SLC39A11: variants seen among roughly 807,000 people sequenced by gnomAD.
SLC39A11 encodes the protein zinc transporter ZIP11.
A neutral mutation model predicts 36.1 loss-of-function variants in SLC39A11; 33 were observed. That is an observed-to-expected ratio of 0.91 (90% CI 0.69 to 1.22). SLC39A11 has a LOEUF of 1.22. Among genes scored for constraint, SLC39A11 ranks in the 50% most tolerant of loss-of-function variants. SLC39A11 has a pLI of 0.00. For missense variants in SLC39A11, 432 were observed against 430.3 expected (o/e 1.00, Z -0.03); for synonymous variants, 166 against 170.3 (o/e 0.97, Z 0.20).
At chr17:73,081,245 G>C (rs1475092008) in intron 3 of SLC39A11, among the ~76,000 whole-genome samples, 1 of 152,098 alleles carries the variant, frequency 6.6e-6, no homozygotes, top group Non-Finnish European at 1.5e-5. Context: ...AATGATCAGG[G>C]AAATGCAAAT....
intron 6 of SLC39A11, among the ~76,000 whole-genome samples, chr17:72,817,213 G>A (rs1331290128): frequency 1.3e-5 from 2 of 151,930 alleles, no homozygotes; most frequent in Admixed American, 6.6e-5. Flanking sequence ...TGAGGGCCTC[G>A]GGAAGCTTCC....
chr17:72,810,747 A>C (rs2077409043), intron 6 of SLC39A11, among the ~76,000 whole-genome samples: 1 of 151,870 alleles, frequency 6.6e-6, no homozygotes, highest in African/African-American at 2.4e-5. Flanking sequence ...GTGCAGTGGC[A>C]TGATCTTGGC....
chr17:72,857,309 T>G (rs1319138089), intron 5 of SLC39A11, among the ~76,000 whole-genome samples: 3 of 152,204 alleles, frequency 2.0e-5, no homozygotes, highest in Non-Finnish European at 4.4e-5. Flanking sequence ...AAAAAAGACA[T>G]GATCTCATTT....
intron 6 of SLC39A11, among the ~76,000 whole-genome samples, chr17:72,810,144 C>T (rs569794402): frequency 6.6e-6 from 1 of 151,060 alleles, no homozygotes; most frequent in East Asian, 1.9e-4. Context: ...TACTTGAATA[C>T]TCTCTTAAGA....
At chr17:72,865,422 A>C (rs556756737) in intron 5 of SLC39A11, among the ~76,000 whole-genome samples, 1 of 151,852 alleles carries the variant, frequency 6.6e-6, no homozygotes, top group East Asian at 1.9e-4. Flanking sequence ...AAAAAAAAAA[A>C]AAAAACAACT....
intron 5 of SLC39A11, among the ~76,000 whole-genome samples, chr17:72,882,799 T>TTTTTTTTTTTTTTCTTTTTC: frequency 1.1e-5 from 1 of 87,448 alleles, no homozygotes; most frequent in African/African-American, 4.2e-5. Context: ...GAATGCTTCT[T>TTTTTTTTTTTTTTCTTTTTC]TTTTTTTTTT....
intron 5 of SLC39A11, among the ~76,000 whole-genome samples, chr17:72,925,625 T>C (rs1567965204): frequency 6.6e-6 from 1 of 152,224 alleles, no homozygotes; most frequent in Non-Finnish European, 1.5e-5. Flanking sequence ...CCACCTGGAA[T>C]TGCAGTACCT....
intron 4 of SLC39A11, among the ~76,000 whole-genome samples, chr17:72,957,566 C>G (rs1268650415): frequency 6.6e-6 from 1 of 152,234 alleles, no homozygotes; most frequent in Non-Finnish European, 1.5e-5. Flanking sequence ...TGCCTGTAAT[C>G]CCAGCACTTT....
intron 7 of SLC39A11, among the ~76,000 whole-genome samples, chr17:72,665,383 TGAGGTG>T: frequency 7.6e-6 from 1 of 131,102 alleles, no homozygotes; most frequent in African/African-American, 3.1e-5. Context: ...CACCAAGTTT[TGAGGTG>T]TTTTTTTTTT....
intron 7 of SLC39A11, among the ~76,000 whole-genome samples, chr17:72,714,397 G>A (rs552047878): frequency 6.0e-5 from 9 of 150,134 alleles, no homozygotes; most frequent in African/African-American, 9.8e-5. Context: ...TAATAATTGC[G>A]GTTTTTGCCA....
chr17:72,685,315 C>A (rs144150064), intron 7 of SLC39A11, among the ~76,000 whole-genome samples: 1 of 46,172 alleles, frequency 2.2e-5, no homozygotes, highest in African/African-American at 2.2e-4. Context: ...TGTTTAGAGG[C>A]GGACTCTTTG....
At chr17:72,749,290 C>T (rs987209016) in intron 6 of SLC39A11, among the ~76,000 whole-genome samples, 2 of 152,172 alleles carry the variant, frequency 1.3e-5, no homozygotes, top group African/African-American at 2.4e-5. Context: ...GCTTGCAACC[C>T]GGTAGCAAAG....
rs74385138 is a variant in SLC39A11 at position 72,682,549 on chromosome 17, A to C, written c.672-33281T>G. On this transcript the variant is annotated intron_variant, in intron 7 of 9. Transcript: ENST00000255559. Reference sequence around the variant, plus strand: ...GGCCGGTGCCCCCAAGCCCCACATTATCCAAGGGTCAATGTAGTGAGCTGG... The same window carrying C: ...GGCCGGTGCCCCCAAGCCCCACATTCTCCAAGGGTCAATGTAGTGAGCTGG... Among the ~76,000 whole-genome samples, 757 of 152,302 alleles carry C rather than the reference A, an allele frequency of 5.0e-3. 10 individuals are homozygous for C. The highest frequency in any genetic ancestry group is 0.017 in the African/African-American group (719 of 41,564).
intron 4 of SLC39A11, among the ~76,000 whole-genome samples, chr17:73,001,915 T>A (rs780501849): frequency 4.6e-5 from 7 of 152,036 alleles, no homozygotes; most frequent in Non-Finnish European, 7.4e-5. Context: ...CTGAGCATAG[T>A]GGGTGGGAAG....
intron 4 of SLC39A11, among the ~76,000 whole-genome samples, chr17:72,953,810 G>T (rs532879399): frequency 6.6e-6 from 1 of 152,212 alleles, no homozygotes. Context: ...CCTCACTGGG[G>T]TGAGTCATTG....
chr17:72,905,275 TTC>T (rs1016797783), intron 5 of SLC39A11, among the ~76,000 whole-genome samples: 1 of 149,556 alleles, frequency 6.7e-6, no homozygotes, highest in Non-Finnish European at 1.5e-5. Context: ...TGGATTCTGT[TTC>T]TGTTTCCTAT....
intron 3 of SLC39A11, among the ~76,000 whole-genome samples, chr17:73,058,760 G>A (rs58453520): frequency 0.022 from 3,364 of 152,244 alleles, 107 homozygotes; most frequent in African/African-American, 0.072. Flanking sequence ...GAAGACTGAC[G>A]CAGTTGAGTT....
chr17:72,768,076 G>A (rs1175473914), intron 6 of SLC39A11, among the ~76,000 whole-genome samples: 1 of 152,114 alleles, frequency 6.6e-6, no homozygotes, highest in African/African-American at 2.4e-5. Context: ...TTGCTCCCTG[G>A]TGGGGGCCAC....
intron 5 of SLC39A11, among the ~76,000 whole-genome samples, chr17:72,941,298 C>T (rs1161096383): frequency 6.6e-6 from 1 of 152,096 alleles, no homozygotes; most frequent in Non-Finnish European, 1.5e-5. Context: ...CATGTGAAGC[C>T]ACAGGGAGAC....
Sources: gnomAD v4.1 joint callset for allele counts (sites outside exome capture counted in the v4.1 genomes callset) on GRCh38, gnomAD v4.1.1 for gene constraint, MANE v1.5 for transcripts, NCBI Gene and HGNC (gene_info 2026-07-23, HGNC 2026-07-21) for gene names.